Variants in KIAA0825 observed in about 807,000 individuals in gnomAD.
KIAA0825 encodes the protein KIAA0825, also known as uncharacterized protein KIAA0825.
Under a neutral mutation model 147.6 loss-of-function variants are expected in KIAA0825, and 119 were observed. The observed-to-expected ratio is 0.81, with a 90% confidence interval of 0.69 to 0.94. The LOEUF (loss-of-function observed/expected upper bound fraction) is 0.94, where lower values mean the gene tolerates loss of function less well. Among genes scored for constraint, KIAA0825 ranks in the 40% least tolerant of loss-of-function variants. The pLI, the probability that KIAA0825 is intolerant of heterozygous loss-of-function variation, is 0.00. For missense variants in KIAA0825, 1,381 were observed against 1,472.7 expected (o/e 0.94, Z 1.02); for synonymous variants, 470 against 518.1 (o/e 0.91, Z 1.26).
rs1049711688 is a variant in KIAA0825, at chr5:94,569,321, C to A, written c.-2+13112G>T. 8.7e-6 allele frequency: 3 copies of A among 345,064 alleles called. No individual in the cohort carries two copies. The East Asian group carries it at 1.3e-4, about 15-fold the overall frequency. The allele number at this position is 345,064 out of a possible 1,614,324, so 21.4% of individuals were successfully genotyped here. ...TAAAAAAACCATTAAACCTATACAA[C>A]CTCCCCCATAATTTAAAATAATGAT... On this transcript the variant is annotated intron_variant, in intron 2 of 20. Transcript: ENST00000682413.
chr5:94,294,995 G>T (rs1778072753), intron 20 of KIAA0825, among the ~76,000 whole-genome samples: 1 of 152,054 alleles, frequency 6.6e-6, no homozygotes, highest in Non-Finnish European at 1.5e-5. Flanking sequence ...AGTTCTCCTG[G>T]ATAATATACT....
intron 20 of KIAA0825, among the ~76,000 whole-genome samples, chr5:94,195,123 G>C (rs927398230): frequency 1.3e-5 from 2 of 152,166 alleles, no homozygotes; most frequent in Admixed American, 6.5e-5. Flanking sequence ...AACAATCTCT[G>C]TACTCCCCGT....
intron 6 of KIAA0825, among the ~76,000 whole-genome samples, chr5:94,483,100 T>A (rs1762665614): frequency 6.6e-6 from 1 of 152,008 alleles, no homozygotes; most frequent in Non-Finnish European, 1.5e-5. Flanking sequence ...ATCACCTTTT[T>A]CAAAATTGTT....
At chr5:94,508,592 C>T (rs1025777097) in intron 5 of KIAA0825, among the ~76,000 whole-genome samples, 2 of 152,226 alleles carry the variant, frequency 1.3e-5, no homozygotes, top group African/African-American at 2.4e-5. Context: ...CAGCATTTAC[C>T]GGCTGAGAGT....
At chr5:94,294,608 C>T (rs1245273810) in intron 20 of KIAA0825, among the ~76,000 whole-genome samples, 1 of 152,162 alleles carries the variant, frequency 6.6e-6, no homozygotes, top group African/African-American at 2.4e-5. Flanking sequence ...CACCTGTAAT[C>T]CCAGATACTC....
chr5:94,285,257 G>T (rs957683819), intron 20 of KIAA0825, among the ~76,000 whole-genome samples: 1 of 152,062 alleles, frequency 6.6e-6, no homozygotes. Context: ...TGTATTCCAA[G>T]TGCCTAAAAC....
intron 20 of KIAA0825, among the ~76,000 whole-genome samples, chr5:94,379,806 A>G (rs922520786): frequency 7.2e-6 from 1 of 139,508 alleles, no homozygotes; most frequent in African/African-American, 2.7e-5. Context: ...GAGATGTTTC[A>G]CACCTCCCTG....
chr5:94,581,674 C>A (rs539713121), intron 2 of KIAA0825, among the ~76,000 whole-genome samples: 2 of 152,228 alleles, frequency 1.3e-5, no homozygotes, highest in East Asian at 3.9e-4. Flanking sequence ...TTTAAATATA[C>A]TTTTTAATAT....
At chr5:94,453,209 G>A in intron 12 of KIAA0825, 140 bp from the exon 13 acceptor site, 1 of 576,624 alleles carries the variant, frequency 1.7e-6, no homozygotes, top group Non-Finnish European at 3.0e-6. Flanking sequence ...GTCTTGCTCT[G>A]TCGCCCAGTC....
intron 20 of KIAA0825, among the ~76,000 whole-genome samples, chr5:94,277,872 A>G (rs1474097988): frequency 3.3e-5 from 5 of 152,200 alleles, no homozygotes; most frequent in African/African-American, 1.2e-4. Flanking sequence ...CCAAATGCCC[A>G]TCAATGATAG....
chr5:94,275,301 C>G (rs1463527849), intron 20 of KIAA0825, among the ~76,000 whole-genome samples: 4 of 152,006 alleles, frequency 2.6e-5, no homozygotes, highest in Non-Finnish European at 5.9e-5. Flanking sequence ...GGGAAAGCCC[C>G]CCAGAAGGAG....
At chr5:94,555,461 G>T (rs1020164196) in intron 2 of KIAA0825, among the ~76,000 whole-genome samples, 1 of 151,998 alleles carries the variant, frequency 6.6e-6, no homozygotes, top group African/African-American at 2.4e-5. Flanking sequence ...TATCTGGTAA[G>T]TACTCGTATT....
At chr5:94,563,792 C>G (rs949739303) in intron 2 of KIAA0825, among the ~76,000 whole-genome samples, 2 of 152,140 alleles carry the variant, frequency 1.3e-5, no homozygotes, top group African/African-American at 4.8e-5. Context: ...TCAAGCAATT[C>G]TCCTGCCTCT....
chr5:94,537,342 C>T (rs1212437937), intron 2 of KIAA0825, among the ~76,000 whole-genome samples: 3 of 152,116 alleles, frequency 2.0e-5, no homozygotes, highest in Non-Finnish European at 4.4e-5. Context: ...ACCTAATTTT[C>T]GCACTTCTGT....
intron 1 of KIAA0825, among the ~76,000 whole-genome samples, chr5:94,592,276 G>A (rs1784487766): frequency 6.6e-6 from 1 of 152,122 alleles, no homozygotes; most frequent in Non-Finnish European, 1.5e-5. Context: ...ACAGGTATTG[G>A]GTAAATACAC....
intron 20 of KIAA0825, among the ~76,000 whole-genome samples, chr5:94,278,276 A>G (rs929847808): frequency 2.6e-5 from 4 of 152,132 alleles, no homozygotes; most frequent in Non-Finnish European, 5.9e-5. Flanking sequence ...ACTTGAAGTA[A>G]AATTTCAAAA....
Position 94,440,129 on chromosome 5 carries a change from A to C in KIAA0825, c.2358-8T>G, listed in dbSNP as rs1344348831. ...CCTCCAGCTGATGGAGTCCTTTCAAAATGCAAGATAAAGATGGAGTAATGA... is the reference window on the plus strand; with the variant it reads ...CCTCCAGCTGATGGAGTCCTTTCAACATGCAAGATAAAGATGGAGTAATGA... On this transcript the variant is annotated splice_region_variant and splice_polypyrimidine_tract_variant and intron_variant, in intron 13 of 20. Transcript: ENST00000682413. The C allele has an allele frequency of 1.3e-6, 2 of 1,550,370 alleles. No homozygotes were observed. Among genetic ancestry groups the C allele is most frequent in the Non-Finnish European group, 1.7e-6 (2 of 1,146,380 alleles).
At chr5:94,362,383 T>C (rs1236844384) in intron 20 of KIAA0825, among the ~76,000 whole-genome samples, 1 of 152,206 alleles carries the variant, frequency 6.6e-6, no homozygotes, top group Non-Finnish European at 1.5e-5. Context: ...TGTTGCAAAT[T>C]GAACTGATTT....
chr5:94,572,533 A>G (rs1167597238), intron 2 of KIAA0825, among the ~76,000 whole-genome samples: 1 of 152,234 alleles, frequency 6.6e-6, no homozygotes, highest in Admixed American at 6.5e-5. Context: ...GTTTATTTAT[A>G]TATAACTGTT....
Sources: gnomAD v4.1 joint callset for allele counts (sites outside exome capture counted in the v4.1 genomes callset) on GRCh38, gnomAD v4.1.1 for gene constraint, MANE v1.5 for transcripts, NCBI Gene and HGNC (gene_info 2026-07-23, HGNC 2026-07-21) for gene names.